Variants in PREB observed in about 807,000 individuals in gnomAD.
PREB encodes the protein prolactin regulatory element binding, also known as guanine nucleotide-exchange factor SEC12.
In PREB, 29 loss-of-function variants were observed where a neutral mutation model predicts 46.7. That is an observed-to-expected ratio of 0.62 (90% CI 0.46 to 0.85). The LOEUF (loss-of-function observed/expected upper bound fraction) is 0.85. Among genes scored for constraint, PREB ranks in the 40% least tolerant of loss-of-function variants. The probability of loss-of-function intolerance (pLI) is 0.00; values close to 1 mark genes in which losing one functional copy is unlikely to be tolerated. For missense variants in PREB, 494 were observed against 528.4 expected (o/e 0.93, Z 0.64); for synonymous variants, 224 against 220.1 (o/e 1.02, Z -0.16).
Position 27,130,801 on chromosome 2 carries a change from T to C in PREB, c.*613A>G. The C allele has an allele frequency of 1.3e-6, 2 of 1,569,494 alleles. No individual in the cohort carries two copies. Among genetic ancestry groups the C allele is most frequent in the Non-Finnish European group, 1.8e-6 (2 of 1,142,804 alleles). ...TTTCCTTGTTTATTAAATATCAACT[T>C]TTCCTGCCTAATGGGCTGAGGTTCA... is the stretch of plus-strand genomic sequence containing the variant. On this transcript the variant is annotated 3_prime_UTR_variant, in exon 9 of 9. Transcript: ENST00000260643.
Position 27,131,158 on chromosome 2 carries a change from G to T in PREB, c.*256C>A. The T allele has an allele frequency of 1.8e-6, 1 of 552,496 alleles. No homozygotes were observed. The highest frequency in any genetic ancestry group is 3.2e-6 in the Non-Finnish European group (1 of 310,724). The allele number at this position is 552,496 out of a possible 1,614,324, so 34.2% of individuals were successfully genotyped here. A position where few individuals can be genotyped will look rare whatever the true frequency, so the allele number is the denominator to read the frequency against. On this transcript the variant is annotated 3_prime_UTR_variant, in exon 9 of 9. Coordinates refer to ENST00000260643, the MANE Select transcript of PREB (RefSeq NM_013388.6). ...GCCTCTGGTAGGCAGAAGAAAGGAG[G>T]CAGGGAGTATGGCCTGGGCTTCAGA...
At chr2:27,133,510 G>C (rs1387271520) in intron 2 of PREB, 22 bp downstream of exon 2, 61 of 1,610,010 alleles carry the variant, frequency 3.8e-5, no homozygotes, top group Non-Finnish European at 5.1e-5. Flanking sequence ...TTCCCCAAGG[G>C]GGTAGAGAGG....
Position 27,134,329 on chromosome 2 carries a change from C to T in PREB, c.93G>A (p.Ala31=), listed in dbSNP as rs1057014763. The part of the protein sequence containing the change: ...VDPSTGLLIA[A]GGGGAAKTGI... ...CTGTCTTGGCGGCGCCTCCTCCGCC[C>T]GCAGCGATGAGCAGCCCAGTGCTGG... Residue 31 remains alanine (A), a synonymous_variant, in exon 1 of 9, where the codon GCG becomes GCA. Transcript: ENST00000260643. 6.2e-7 allele frequency: 1 copy of T among 1,611,610 alleles called. No homozygotes were observed. The highest frequency in any genetic ancestry group is 8.5e-7 in the Non-Finnish European group (1 of 1,179,484).
In PREB at chr2:27,133,336, A is replaced by G. The variant is rs1672364861; in HGVS notation, c.327T>C (p.Gly109=). 1 of 1,613,834 alleles carries G rather than the reference A, an allele frequency of 6.2e-7. No individual in the cohort carries two copies. Among genetic ancestry groups the G allele is most frequent in the Non-Finnish European group, 8.5e-7 (1 of 1,180,008 alleles). Residue 109 remains glycine, a splice_region_variant and synonymous_variant, in exon 3 of 9, where the codon GGT becomes GGC. Coordinates refer to ENST00000260643, the MANE Select transcript of PREB (RefSeq NM_013388.6). Reference sequence around the variant, plus strand: ...TTTGTCGAGGCCCCTGCTCCTTGGAACCTGTAACACAAACACTTGGCCAGG... The same window carrying G: ...TTTGTCGAGGCCCCTGCTCCTTGGAGCCTGTAACACAAACACTTGGCCAGG... ...QQQGNKAEKA[G]SKEQGPRQRK...
chr2:27,134,577 ATCAGCAGGAAGCCGAGCCTCAGCTCGGC>A lies in PREB; in HGVS notation c.-184_-157del. On this transcript the variant is annotated 5_prime_UTR_variant, in exon 1 of 9. In the 5' UTR this introduces an upstream ATG that the reference lacks. Coordinates refer to ENST00000260643, the MANE Select transcript of PREB (RefSeq NM_013388.6). Reference sequence around the variant, plus strand: ...CCGGGGAGTTGCCAAAACCCTGACCATCAGCAGGAAGCCGAGCCTCAGCTCGGCTCCGTCCAAGTCGGTCTCGCAGACG... The same window carrying A: ...CCGGGGAGTTGCCAAAACCCTGACCATCCGTCCAAGTCGGTCTCGCAGACG... The A allele has an allele frequency of 7.4e-7, 1 of 1,344,062 alleles. No individual in the cohort carries two copies. The highest frequency in any genetic ancestry group is 9.5e-7 in the Non-Finnish European group (1 of 1,053,616). The allele number at this position is 1,344,062 out of a possible 1,614,324, so 83.3% of individuals were successfully genotyped here. A position where few individuals can be genotyped will look rare whatever the true frequency, so the allele number is the denominator to read the frequency against.
At chr2:27,134,266 C>A in intron 1 of PREB, 21 bp downstream of exon 1, 1 of 1,579,780 alleles carries the variant, frequency 6.3e-7, no homozygotes, top group Non-Finnish European at 8.6e-7. Context: ...AGACCCAGCC[C>A]CAGTGGCCCT....
intron 8 of PREB, 43 bp from the exon 9 acceptor site, chr2:27,131,551 C>T (rs11695641): frequency 0.14 from 216,467 of 1,599,568 alleles, 16,711 homozygotes; most frequent in Non-Finnish European, 0.16. Context: ...AAAAGGGCTT[C>T]CCAGCCTGAA....
chr2:27,133,523 G>A lies in PREB; in HGVS notation c.325+9C>T, dbSNP rs762751035. 5.6e-6 allele frequency: 9 copies of A among 1,611,834 alleles called. No individual in the cohort carries two copies. The South Asian group carries it at 9.9e-5, about 18-fold the overall frequency. Reference sequence around the variant, plus strand: ...CTTTCCCCAAGGGGGTAGAGAGGGAGCTCCTCACCGGCCTTCTCTGCCTTG... The same window carrying A: ...CTTTCCCCAAGGGGGTAGAGAGGGAACTCCTCACCGGCCTTCTCTGCCTTG... On this transcript the variant is annotated intron_variant, in intron 2 of 8. Coordinates refer to ENST00000260643, the MANE Select transcript of PREB (RefSeq NM_013388.6).
chr2:27,132,313 G>A lies in PREB; in HGVS notation c.843C>T (p.Tyr281=). The change falls in exon 6 of 9, where the codon TAC becomes TAT. Residue 281 remains tyrosine, a synonymous_variant. Transcript: ENST00000260643. This position sits in a 1 kb window ranked among gnomAD's most constrained non-coding sequence, Gnocchi z 4.0. Reference sequence around the variant, plus strand: ...AGTTGGAGCCATCCCAGGCTGTGAGGTAGCAGGGAGGGGGCTGGCGCAGGC... The same window carrying A: ...AGTTGGAGCCATCCCAGGCTGTGAGATAGCAGGGAGGGGGCTGGCGCAGGC... ...HKRLRQPPPC[Y]LTAWDGSNFL... 1 of 1,614,170 alleles carries A rather than the reference G, an allele frequency of 6.2e-7. No individual in the cohort carries two copies. The highest frequency in any genetic ancestry group is 1.7e-4 in the Middle Eastern group (1 of 6,058).
Position 27,131,196 on chromosome 2 carries a change from G to A in PREB, c.*218C>T, listed in dbSNP as rs190767780. ...CCTGGGCTTCAGATACCGCTGTTCTGGATGGATCCACAGATGACGAAGGCA... is the reference window on the plus strand; with the variant it reads ...CCTGGGCTTCAGATACCGCTGTTCTAGATGGATCCACAGATGACGAAGGCA... On this transcript the variant is annotated 3_prime_UTR_variant, in exon 9 of 9. Coordinates refer to ENST00000260643, the MANE Select transcript of PREB (RefSeq NM_013388.6). 84 of 596,052 alleles carry A rather than the reference G, an allele frequency of 1.4e-4. No homozygotes were observed. The highest frequency in any genetic ancestry group is 1.3e-3 in the African/African-American group (72 of 53,856). The allele number at this position is 596,052 out of a possible 1,614,324, so 36.9% of individuals were successfully genotyped here.
chr2:27,132,165 G>A lies in PREB; in HGVS notation c.926+65C>T. 1.2e-6 allele frequency: 2 copies of A among 1,609,672 alleles called. No homozygotes were observed. Among genetic ancestry groups the A allele is most frequent in the Non-Finnish European group, 8.5e-7 (1 of 1,175,964 alleles). On this transcript the variant is annotated intron_variant, in intron 6 of 8. Coordinates refer to ENST00000260643, the MANE Select transcript of PREB (RefSeq NM_013388.6). The surrounding 1 kb of genome is among the most constrained non-coding windows in gnomAD (Gnocchi z 4.0). Reference sequence around the variant, plus strand: ...CCCAATACCGGTCCGTAGGGACCCAGGCAGGACTCCTTTCCAAGCTCCCTC... The same window carrying A: ...CCCAATACCGGTCCGTAGGGACCCAAGCAGGACTCCTTTCCAAGCTCCCTC...
At position 27,133,288 on chromosome 2, in the gene PREB, CT is replaced by C. The variant is rs1026619257; in HGVS notation, c.374del (p.Glu125GlyfsTer13). Reference sequence around the variant, plus strand: ...GCTGGGTTTCCGCTCCACATTTCTTCTCTGCTGGGGCTGCTCCCTTCCTTTG... The same window carrying C: ...GCTGGGTTTCCGCTCCACATTTCTTCCTGCTGGGGCTGCTCCCTTCCTTTG... ...PRQRKGAAPAEKKCGAETQHE... is the reference protein window; with the variant it reads ...PRQRKGAAPAXKKCGAETQHE... On this transcript the variant is annotated frameshift_variant, in exon 3 of 9. Coordinates refer to ENST00000260643, the MANE Select transcript of PREB (RefSeq NM_013388.6). LOFTEE classifies it high-confidence loss of function. The C allele has an allele frequency of 1.2e-6, 2 of 1,614,210 alleles. No homozygotes were observed. Among genetic ancestry groups the C allele is most frequent in the East Asian group, 2.2e-5 (1 of 44,888 alleles).
At position 27,133,543 on chromosome 2, in the gene PREB, G is replaced by C; in HGVS notation, c.314C>G (p.Ala105Gly). 2 of 1,613,696 alleles carry C rather than the reference G, an allele frequency of 1.2e-6. No individual in the cohort carries two copies. The highest frequency in any genetic ancestry group is 1.7e-6 in the Non-Finnish European group (2 of 1,179,696). The change falls in exon 2 of 9, where the codon GCA (alanine) becomes GGA (glycine). Residue 105 changes from alanine (A) to glycine (G), a missense_variant. Physicochemically the swap from Ala to Gly is moderately conservative, Grantham distance 60. Transcript: ENST00000260643. ...FQAHQQQGNK[A>G]EKAGSKEQGP... ...AGGGAGCTCCTCACCGGCCTTCTCT[G>C]CCTTGTTGCCCTGCTGTTGATGTGC...
Position 27,130,924 on chromosome 2 carries a change from A to G in PREB, c.*490T>C. On this transcript the variant is annotated 3_prime_UTR_variant, in exon 9 of 9. Coordinates refer to ENST00000260643, the MANE Select transcript of PREB (RefSeq NM_013388.6). ...TACCCATCTGAACCCCCAGATTACT[A>G]CCCAAGTCTTCCTTTTGCCCCTTCC... is the stretch of plus-strand genomic sequence containing the variant. 1 of 712,212 alleles carries G rather than the reference A, an allele frequency of 1.4e-6. No homozygotes were observed. The highest frequency in any genetic ancestry group is 1.9e-5 in the South Asian group (1 of 52,526). The allele number at this position is 712,212 out of a possible 1,614,324, so 44.1% of individuals were successfully genotyped here.
In PREB at chr2:27,131,671, C is replaced by T. The variant is rs769153201; in HGVS notation, c.1159+1G>A. 3.8e-5 allele frequency: 61 copies of T among 1,613,634 alleles called. No individual in the cohort carries two copies. The highest frequency in any genetic ancestry group is 4.8e-5 in the Non-Finnish European group (57 of 1,179,800). On this transcript the variant is annotated splice_donor_variant, in intron 8 of 8. Coordinates refer to ENST00000260643, the MANE Select transcript of PREB (RefSeq NM_013388.6). LOFTEE classifies it high-confidence loss of function. ...CTGCCTGCCCTGCCCCAATGACTCACGCCGTGAGGGCAACAGATGCAGCTG... is the reference window on the plus strand; with the variant it reads ...CTGCCTGCCCTGCCCCAATGACTCATGCCGTGAGGGCAACAGATGCAGCTG...
chr2:27,131,926 A>T, intron 7 of PREB, 84 bp downstream of exon 7: 3 of 1,592,974 alleles, frequency 1.9e-6, no homozygotes, highest in Non-Finnish European at 2.6e-6. Flanking sequence ...CCTCGATAGG[A>T]TGGGCCAGAC....
Position 27,131,717 on chromosome 2 carries a change from C to A in PREB, c.1114G>T (p.Val372Leu). 1 of 1,614,212 alleles carries A rather than the reference C, an allele frequency of 6.2e-7. No individual in the cohort carries two copies. The highest frequency in any genetic ancestry group is 8.5e-7 in the Non-Finnish European group (1 of 1,180,034). Residue 372 changes from valine (V) to leucine (L), a missense_variant, in exon 8 of 9, where the codon GTG (valine) becomes TTG (leucine). By Grantham distance (32) the Val-to-Leu change is conservative. Transcript: ENST00000260643. ...AGCTGGCAACGACTGTCCACAGCCA[C>A]AGAGAACAGGGCAGTTTCATGGGAC... ...LGSHETALFS[V>L]AVDSRCQLHL...
In PREB at chr2:27,132,958, G is replaced by A; in HGVS notation, c.547-35C>T. 6.2e-7 allele frequency: 1 copy of A among 1,611,036 alleles called. No homozygotes were observed. The highest frequency in any genetic ancestry group is 8.5e-7 in the Non-Finnish European group (1 of 1,177,432). On this transcript the variant is annotated intron_variant, in intron 3 of 8. Transcript: ENST00000260643. The surrounding 1 kb of genome is among the most constrained non-coding windows in gnomAD (Gnocchi z 4.0). Reference sequence around the variant, plus strand: ...AACAACCACCATGGTTAACTCAGGTGTCCAGCAAGTACACTGTGACTGATG... The same window carrying A: ...AACAACCACCATGGTTAACTCAGGTATCCAGCAAGTACACTGTGACTGATG...
chr2:27,133,532 C>T lies in PREB; in HGVS notation c.325G>A (p.Gly109Ser), dbSNP rs1206534707. The T allele has an allele frequency of 1.2e-6, 2 of 1,612,560 alleles. No homozygotes were observed. Among genetic ancestry groups the T allele is most frequent in the Admixed American group, 1.7e-5 (1 of 59,896 alleles). Residue 109 changes from glycine to serine, a missense_variant and splice_region_variant, in exon 2 of 9, where the codon GGT becomes AGT. Transcript: ENST00000260643. ...QQQGNKAEKA[G>S]SKEQGPRQRK... ...AGGGGGTAGAGAGGGAGCTCCTCAC[C>T]GGCCTTCTCTGCCTTGTTGCCCTGC...
Sources: gnomAD v4.1 joint callset for allele counts on GRCh38, gnomAD v4.1.1 for gene constraint, Gnocchi (gnomAD v3.1) non-coding constraint, MANE v1.5 for transcripts, NCBI Gene and HGNC (gene_info 2026-07-23, HGNC 2026-07-21) for gene names.